SCFD2: variants seen among roughly 807,000 people sequenced by gnomAD.
SCFD2 encodes the protein sec1 family domain containing 2, also known as sec1 family domain-containing protein 2.
A neutral mutation model predicts 58.9 loss-of-function variants in SCFD2; 54 were observed. That is an observed-to-expected ratio of 0.92 (90% confidence interval 0.74 to 1.15). The LOEUF is 1.15. Ranked by LOEUF, SCFD2 falls within the 50% of genes most tolerant of loss-of-function variation. The probability of loss-of-function intolerance (pLI) is 0.00; values close to 1 mark genes in which losing one functional copy is unlikely to be tolerated. For synonymous variants in SCFD2, 321 were observed against 335.9 expected (o/e 0.96, Z 0.49); for missense variants, 805 against 836.6 (o/e 0.96, Z 0.47).
At chr4:53,241,328 TAGG>T (rs1393689156) in intron 4 of SCFD2, among the ~76,000 whole-genome samples, 1 of 152,148 alleles carries the variant, frequency 6.6e-6, no homozygotes, top group East Asian at 1.9e-4. Context: ...CTTGCTGCCA[TAGG>T]AGACTTTAGC....
chr4:52,893,128 C>T (rs956602720), intron 7 of SCFD2, among the ~76,000 whole-genome samples: 3 of 152,168 alleles, frequency 2.0e-5, no homozygotes, highest in Non-Finnish European at 2.9e-5. Context: ...TTCCTCTTGT[C>T]GGAAATGCCC....
chr4:53,125,661 T>C (rs1210066248), intron 5 of SCFD2, among the ~76,000 whole-genome samples: 1 of 152,230 alleles, frequency 6.6e-6, no homozygotes, highest in East Asian at 1.9e-4. Context: ...GGGAAACAGA[T>C]ACCTGGGGCT....
At chr4:53,075,637 C>G (rs1182074270) in intron 5 of SCFD2, among the ~76,000 whole-genome samples, 6 of 152,110 alleles carry the variant, frequency 3.9e-5, no homozygotes, top group South Asian at 2.1e-4. Flanking sequence ...TTACTGTGTC[C>G]CATGGAAGAG....
At chr4:53,180,878 T>C (rs1159240372) in intron 4 of SCFD2, among the ~76,000 whole-genome samples, 4 of 152,142 alleles carry the variant, frequency 2.6e-5, no homozygotes, top group Non-Finnish European at 5.9e-5. Flanking sequence ...TAAACACCTC[T>C]ACGCAAATAA....
At chr4:53,127,637 G>A (rs1178247485) in intron 5 of SCFD2, among the ~76,000 whole-genome samples, 2 of 152,200 alleles carry the variant, frequency 1.3e-5, no homozygotes, top group Admixed American at 6.5e-5. Flanking sequence ...GCTCGGAAAC[G>A]GTTAGCTGGG....
At chr4:53,148,761 G>C (rs529028609) in intron 4 of SCFD2, among the ~76,000 whole-genome samples, 1 of 152,186 alleles carries the variant, frequency 6.6e-6, no homozygotes, top group African/African-American at 2.4e-5. Flanking sequence ...TGTAATTCCA[G>C]TACTTTGGGA....
chr4:52,935,767 T>C lies in SCFD2; in HGVS notation c.1562-14897A>G, dbSNP rs151100085. Among the ~76,000 whole-genome samples, 415 of 152,352 alleles carry C rather than the reference T, an allele frequency of 2.7e-3. 1 individual carries two copies. Among genetic ancestry groups the C allele is most frequent in the South Asian group, 8.7e-3 (42 of 4,826 alleles). ...CCTCAGACTTTGGGGTAGGTTTTCATAGACCTGCCCAATGCAAAACAAATT... is the reference window on the plus strand; with the variant it reads ...CCTCAGACTTTGGGGTAGGTTTTCACAGACCTGCCCAATGCAAAACAAATT... On this transcript the variant is annotated intron_variant, in intron 5 of 8. Coordinates refer to ENST00000401642, the MANE Select transcript of SCFD2 (RefSeq NM_152540.4).
intron 8 of SCFD2, among the ~76,000 whole-genome samples, chr4:52,882,679 C>A (rs976049457): frequency 1.3e-5 from 2 of 152,214 alleles, no homozygotes; most frequent in African/African-American, 4.8e-5. Context: ...TGCCCTTGAA[C>A]ATTGAACTGC....
chr4:52,915,478 A>G (rs188131354), intron 6 of SCFD2, among the ~76,000 whole-genome samples: 54 of 152,248 alleles, frequency 3.5e-4, no homozygotes, highest in African/African-American at 1.0e-3. Context: ...TCCATGGCTC[A>G]TTTATTTTTA....
chr4:53,201,635 C>A (rs1006828680), intron 4 of SCFD2, among the ~76,000 whole-genome samples: 1 of 152,036 alleles, frequency 6.6e-6, no homozygotes. Flanking sequence ...GTTTACAGTC[C>A]CACCAACAGT....
At chr4:53,285,182 C>T (rs1478553619) in intron 3 of SCFD2, among the ~76,000 whole-genome samples, 5 of 152,144 alleles carry the variant, frequency 3.3e-5, no homozygotes, top group Non-Finnish European at 7.4e-5. Context: ...ATAAAACCAT[C>T]AGAAACATTT....
intron 5 of SCFD2, among the ~76,000 whole-genome samples, chr4:53,009,708 CCTT>C (rs1185488728): frequency 2.0e-5 from 3 of 152,132 alleles, no homozygotes; most frequent in African/African-American, 7.2e-5. Context: ...AGGATCCTAA[CCTT>C]CTTGTTTTTT....
chr4:53,029,187 T>C (rs1210608484), intron 5 of SCFD2, among the ~76,000 whole-genome samples: 1 of 152,188 alleles, frequency 6.6e-6, no homozygotes, highest in Non-Finnish European at 1.5e-5. Context: ...CTTTCCCTTT[T>C]AGGAAGAATC....
At chr4:53,241,393 ACAGGGC>A (rs1729887867) in intron 4 of SCFD2, among the ~76,000 whole-genome samples, 1 of 152,140 alleles carries the variant, frequency 6.6e-6, no homozygotes, top group Non-Finnish European at 1.5e-5. Flanking sequence ...TCCCCATGAG[ACAGGGC>A]CAGTCCAACC....
intron 2 of SCFD2, among the ~76,000 whole-genome samples, chr4:53,341,485 T>C (rs138355879): frequency 0.023 from 3,562 of 152,282 alleles, 62 homozygotes; most frequent in Non-Finnish European, 0.035. Context: ...GTCTGATTGG[T>C]GTACCTGAAA....
In SCFD2 at chr4:53,219,972, C is replaced by T. The variant is rs117739217; in HGVS notation, c.1311+53854G>A. On this transcript the variant is annotated intron_variant, in intron 4 of 8. Coordinates refer to ENST00000401642, the MANE Select transcript of SCFD2 (RefSeq NM_152540.4). The stretch of plus-strand genomic sequence containing the variant: ...CACCACAGCAGTGGCCTCCAATCTG[C>T]TGGGGTGTAAGCATTGGGTAGTGGA... 7.9e-5 allele frequency among the ~76,000 whole-genome samples: 12 copies of T among 152,256 alleles called. No homozygotes were observed. The East Asian group carries it at 2.3e-3, about 29-fold the overall frequency.
At chr4:53,100,314 T>G (rs534753875) in intron 5 of SCFD2, among the ~76,000 whole-genome samples, 10 of 152,308 alleles carry the variant, frequency 6.6e-5, no homozygotes, top group African/African-American at 2.4e-4. Context: ...ATACCTTGTT[T>G]ATAATAGTGT....
chr4:53,126,595 T>G (rs1362717351), intron 5 of SCFD2, among the ~76,000 whole-genome samples: 1 of 152,170 alleles, frequency 6.6e-6, no homozygotes, highest in East Asian at 1.9e-4. Flanking sequence ...GGATTACAAG[T>G]GTGAGCCACC....
At chr4:53,069,382 A>T (rs1723752504) in intron 5 of SCFD2, among the ~76,000 whole-genome samples, 1 of 152,046 alleles carries the variant, frequency 6.6e-6, no homozygotes, top group African/African-American at 2.4e-5. Flanking sequence ...TTCATATCTG[A>T]TTGGAATTCA....
Sources: gnomAD v4.1 joint callset for allele counts (sites outside exome capture counted in the v4.1 genomes callset) on GRCh38, gnomAD v4.1.1 for gene constraint, MANE v1.5 for transcripts, NCBI Gene and HGNC (gene_info 2026-07-23, HGNC 2026-07-21) for gene names.